The following POLR3H variants were observed in gnomAD, a reference collection of about 807,000 sequenced individuals.
The protein encoded by POLR3H is DNA-directed RNA polymerase III subunit RPC8.
A neutral mutation model predicts 25.5 loss-of-function variants in POLR3H; 17 were observed. The observed-to-expected ratio is 0.67, with a 90% CI of 0.46 to 1.00. The LOEUF is 1.00. POLR3H is among the 50% of genes least tolerant of loss of function. The pLI is 0.00. For synonymous variants in POLR3H, 129 were observed against 103.0 expected, an observed-to-expected ratio of 1.25 and a Z score of -1.53; for missense variants, 274 against 265.0, an observed-to-expected ratio of 1.03 and a Z score of -0.24.
rs2066584618 is a variant in POLR3H, at chr22:41,525,921, G to A, written c.*3362C>T. ...CAGTCATCAGCCAGGACCCAGGCATGTCCTGGGCTCCTGTGTCCAGCATGA... is the reference window on the plus strand; with the variant it reads ...CAGTCATCAGCCAGGACCCAGGCATATCCTGGGCTCCTGTGTCCAGCATGA... On this transcript the variant is annotated 3_prime_UTR_variant, in exon 6 of 6. Transcript: ENST00000355209. The A allele has an allele frequency of 3.9e-6, 1 of 256,518 alleles. No individual in the cohort carries two copies. The highest frequency in any genetic ancestry group is 2.2e-5 in the African/African-American group (1 of 45,062). The allele number at this position is 256,518 out of a possible 1,614,324, so 15.9% of individuals were successfully genotyped here. A position where few individuals can be genotyped will look rare whatever the true frequency, so the allele number is the denominator to read the frequency against.
intron 2 of POLR3H, among the ~76,000 whole-genome samples, chr22:41,535,115 C>T (rs376442453): frequency 1.3e-5 from 2 of 152,140 alleles, no homozygotes; most frequent in South Asian, 2.1e-4. Flanking sequence ...CAACTCCTAG[C>T]GTTTAGCAAC....
intron 2 of POLR3H, among the ~76,000 whole-genome samples, chr22:41,535,916 G>A (rs1275125363): frequency 6.6e-6 from 1 of 152,084 alleles, no homozygotes; most frequent in East Asian, 1.9e-4. Context: ...GTTGCAGTGA[G>A]CCGAGACTGC....
intron 4 of POLR3H, 52 bp from the exon 5 acceptor site, chr22:41,530,940 T>C: frequency 6.4e-7 from 1 of 1,568,324 alleles, no homozygotes; most frequent in Non-Finnish European, 8.8e-7. Context: ...GGGGCTTCCC[T>C]CAGCACCCAC....
chr22:41,543,903 C>A (rs542488004), intron 1 of POLR3H, 88 bp downstream of exon 1: 2 of 903,650 alleles, frequency 2.2e-6, no homozygotes. Flanking sequence ...ACGGCCAGGG[C>A]TTGGCATGAC....
At chr22:41,541,174 G>A (rs924858206) in intron 1 of POLR3H, among the ~76,000 whole-genome samples, 11 of 152,174 alleles carry the variant, frequency 7.2e-5, no homozygotes, top group African/African-American at 2.4e-4. Context: ...TACCTGGCTC[G>A]TGTATTGGAA....
chr22:41,533,446 G>T, intron 2 of POLR3H: 1 of 1,081,986 alleles, frequency 9.2e-7, no homozygotes, highest in South Asian at 1.7e-5. Context: ...GTGAGGATAA[G>T]GCAGTGGCTC....
At chr22:41,532,814 T>A in intron 2 of POLR3H, 69 bp from the exon 3 acceptor site, 1 of 1,551,160 alleles carries the variant, frequency 6.4e-7, no homozygotes, top group Non-Finnish European at 8.8e-7. Context: ...CACCCTCAGG[T>A]GCCAGCACAC....
chr22:41,533,369 G>A (rs1569032545), intron 2 of POLR3H, among the ~76,000 whole-genome samples: 2 of 152,170 alleles, frequency 1.3e-5, no homozygotes, highest in African/African-American at 4.8e-5. Context: ...CCCAAAGTAG[G>A]AGTCCAACGC....
In POLR3H at chr22:41,532,717, T is replaced by G; in HGVS notation, c.237A>C (p.Pro79=). Residue 79 remains proline (P), a synonymous_variant, in exon 3 of 6, where the codon CCA becomes CCC. Transcript: ENST00000355209. ...KVHFRCVVFH[P]FLDEILIGKI... ...TCCCAATGAGAATCTCATCTAGGAA[T>G]GGATGAAACACCACGCAGCGAAAAT... 1 of 1,613,966 alleles carries G rather than the reference T, an allele frequency of 6.2e-7. No homozygotes were observed. Among genetic ancestry groups the G allele is most frequent in the Middle Eastern group, 1.7e-4 (1 of 6,056 alleles).
Position 41,529,143 on chromosome 22 carries a change from G to A in POLR3H, c.*140C>T, listed in dbSNP as rs2066668170. ...CCTAGATGGTGGAGGAGCGGGGCAAGCTGGTGGGCACTCCTGGCCTTGCCT... is the reference window on the plus strand; with the variant it reads ...CCTAGATGGTGGAGGAGCGGGGCAAACTGGTGGGCACTCCTGGCCTTGCCT... On this transcript the variant is annotated 3_prime_UTR_variant, in exon 6 of 6. Coordinates refer to ENST00000355209, the MANE Select transcript of POLR3H (RefSeq NM_001018050.4). 4 of 684,984 alleles carry A rather than the reference G, an allele frequency of 5.8e-6. No homozygotes were observed. Among genetic ancestry groups the A allele is most frequent in the Non-Finnish European group, 9.9e-6 (4 of 403,954 alleles). 42.4% of individuals were successfully genotyped at this position (684,984 alleles called of 1,614,324 possible).
At chr22:41,540,562 T>C in intron 2 of POLR3H, 137 bp downstream of exon 2, 1 of 743,180 alleles carries the variant, frequency 1.3e-6, no homozygotes, top group Non-Finnish European at 2.5e-6. Context: ...AGGCTGGCCT[T>C]GAACTCTGTG....
chr22:41,537,758 G>C (rs1480752311), intron 2 of POLR3H, among the ~76,000 whole-genome samples: 1 of 152,048 alleles, frequency 6.6e-6, no homozygotes, highest in African/African-American at 2.4e-5. Context: ...GAGGGTGGGG[G>C]CTAATAAAAG....
chr22:41,541,649 T>C (rs1190784354), intron 1 of POLR3H, among the ~76,000 whole-genome samples: 3 of 152,226 alleles, frequency 2.0e-5, no homozygotes, highest in African/African-American at 7.2e-5. Flanking sequence ...AAACGATTCA[T>C]CTAATCAAAT....
intron 4 of POLR3H, 61 bp downstream of exon 4, chr22:41,532,033 G>C (rs2066745567): frequency 3.4e-6 from 5 of 1,478,490 alleles, no homozygotes; most frequent in Non-Finnish European, 4.7e-6. Context: ...AAGGAGTGGG[G>C]ACCTTCCTTT....
At chr22:41,530,944 C>T (rs961384105) in intron 4 of POLR3H, 56 bp from the exon 5 acceptor site, 5 of 1,549,078 alleles carry the variant, frequency 3.2e-6, no homozygotes, top group Non-Finnish European at 4.4e-6. Context: ...CTTCCCTCAG[C>T]ACCCACTCCC....
At chr22:41,533,415 G>C (rs2066782537) in intron 2 of POLR3H, 2 of 920,940 alleles carry the variant, frequency 2.2e-6, no homozygotes, top group Non-Finnish European at 2.8e-6. Context: ...CCCCCTGCTG[G>C]TTACCAACAG....
chr22:41,527,515 C>G lies in POLR3H; in HGVS notation c.*1768G>C. 1 of 1,487,316 alleles carries G rather than the reference C, an allele frequency of 6.7e-7. No homozygotes were observed. Among genetic ancestry groups the G allele is most frequent in the African/African-American group, 1.4e-5 (1 of 72,046 alleles). The allele number at this position is 1,487,316 out of a possible 1,614,324, so 92.1% of individuals were successfully genotyped here. A position where few individuals can be genotyped will look rare whatever the true frequency, so the allele number is the denominator to read the frequency against. On this transcript the variant is annotated 3_prime_UTR_variant, in exon 6 of 6. Coordinates refer to ENST00000355209, the MANE Select transcript of POLR3H (RefSeq NM_001018050.4). ...TGGCTGAGTTGGGCCTGGTTCTAGG[C>G]TGTGTCCACTGCAGCCCACAGGCCC...
At chr22:41,538,192 G>A (rs915658991) in intron 2 of POLR3H, among the ~76,000 whole-genome samples, 8 of 147,812 alleles carry the variant, frequency 5.4e-5, no homozygotes, top group Non-Finnish European at 1.0e-4. Context: ...GGAGTGCAGT[G>A]GTGCGATCTC....
intron 2 of POLR3H, among the ~76,000 whole-genome samples, chr22:41,537,341 C>T (rs746083750): frequency 7.9e-5 from 12 of 152,200 alleles, no homozygotes; most frequent in Non-Finnish European, 1.3e-4. Context: ...AGCAACTGCT[C>T]CCAAGGCCCA....
Sources: gnomAD v4.1 joint callset for allele counts (sites outside exome capture counted in the v4.1 genomes callset) on GRCh38, gnomAD v4.1.1 for gene constraint, MANE v1.5 for transcripts, NCBI Gene and HGNC (gene_info 2026-07-23, HGNC 2026-07-21) for gene names.